Variants in ATRNL1 observed in about 807,000 individuals in gnomAD.
ATRNL1 encodes the protein attractin like 1, also known as attractin-like protein 1.
A neutral mutation model predicts 182.7 loss-of-function variants in ATRNL1; 95 were observed. The observed-to-expected ratio is 0.52, with a 90% CI of 0.44 to 0.62. ATRNL1 has a LOEUF of 0.62. Among genes scored for constraint, ATRNL1 ranks in the 20% least tolerant of loss-of-function variants. The pLI is 0.00. For synonymous variants in ATRNL1, 576 were observed against 568.3 expected, an observed-to-expected ratio of 1.01 and a Z score of -0.19; for missense variants, 1,471 against 1,679.5, an observed-to-expected ratio of 0.88 and a Z score of 2.17.
chr10:115,439,719 A>C (rs1168377434), intron 21 of ATRNL1, among the ~76,000 whole-genome samples: 2 of 151,954 alleles, frequency 1.3e-5, no homozygotes, highest in African/African-American at 4.8e-5. Flanking sequence ...CAGTGTAATA[A>C]CAAGTATTCT....
intron 18 of ATRNL1, among the ~76,000 whole-genome samples, chr10:115,324,173 G>T (rs1854747461): frequency 6.6e-6 from 1 of 151,928 alleles, no homozygotes; most frequent in South Asian, 2.1e-4. Flanking sequence ...TTTATTTTGA[G>T]ATTTAATTTA....
intron 1 of ATRNL1, among the ~76,000 whole-genome samples, chr10:115,108,211 T>C (rs942100746): frequency 6.6e-6 from 1 of 152,232 alleles, no homozygotes; most frequent in Non-Finnish European, 1.5e-5. Context: ...TATATGCAGT[T>C]AAAAGTAGCC....
At chr10:115,857,830 A>G (rs1012488493) in intron 28 of ATRNL1, among the ~76,000 whole-genome samples, 4 of 152,224 alleles carry the variant, frequency 2.6e-5, no homozygotes, top group South Asian at 2.1e-4. Flanking sequence ...ATCAGGATTC[A>G]TGGAAATGAA....
At chr10:115,431,401 TAAAAA>T (rs3981285) in intron 21 of ATRNL1, among the ~76,000 whole-genome samples, 8 of 110,832 alleles carry the variant, frequency 7.2e-5, no homozygotes, top group South Asian at 5.8e-4. Context: ...AGAGTGAAAC[TAAAAA>T]AAAAAAAAAA....
chr10:115,301,927 G>A lies in ATRNL1; in HGVS notation c.2702G>A (p.Ser901Asn). ...AGGACATCATGTTCCAACTGTACAA[G>A]CAATGGCATGGAGTGTATGTGGTGC... ...SLRTSCSNCT[S>N]NGMECMWCSS... The change falls in exon 17 of 29, where the codon AGC becomes AAC. Residue 901 changes from serine (S) to asparagine (N), a missense_variant. Transcript: ENST00000355044. The A allele has an allele frequency of 1.9e-6, 3 of 1,614,018 alleles. No individual in the cohort carries two copies. Among genetic ancestry groups the A allele is most frequent in the Non-Finnish European group, 2.5e-6 (3 of 1,179,900 alleles).
intron 5 of ATRNL1, among the ~76,000 whole-genome samples, chr10:115,138,623 C>T (rs2143796758): frequency 6.6e-6 from 1 of 152,308 alleles, no homozygotes; most frequent in South Asian, 2.1e-4. Context: ...GGCTGGAATA[C>T]AGGGTACCAA....
intron 26 of ATRNL1, among the ~76,000 whole-genome samples, chr10:115,638,321 C>T (rs1345384083): frequency 1.3e-5 from 2 of 152,142 alleles, no homozygotes; most frequent in African/African-American, 2.4e-5. Flanking sequence ...GCCTAATATA[C>T]TCCATGATGT....
chr10:115,651,974 A>G (rs1860040181), intron 26 of ATRNL1, among the ~76,000 whole-genome samples: 2 of 152,122 alleles, frequency 1.3e-5, no homozygotes, highest in Admixed American at 1.3e-4. Flanking sequence ...AAACAACTGT[A>G]GTAACCCTGT....
At chr10:115,687,252 A>G (rs1298880155) in intron 26 of ATRNL1, among the ~76,000 whole-genome samples, 1 of 151,968 alleles carries the variant, frequency 6.6e-6, no homozygotes, top group Non-Finnish European at 1.5e-5. Context: ...GTACACTTTG[A>G]CTCACACTTC....
chr10:115,745,370 A>C (rs1481506558), intron 27 of ATRNL1, among the ~76,000 whole-genome samples: 1 of 152,100 alleles, frequency 6.6e-6, no homozygotes, highest in Non-Finnish European at 1.5e-5. Flanking sequence ...TTATCCAGTC[A>C]CCAGATAGTA....
At chr10:115,709,679 A>G (rs1555053978) in intron 26 of ATRNL1, among the ~76,000 whole-genome samples, 2 of 152,120 alleles carry the variant, frequency 1.3e-5, no homozygotes, top group South Asian at 4.1e-4. Context: ...AAGAAGAAGG[A>G]TAAAAGGGTA....
At chr10:115,846,455 T>C (rs1220334453) in intron 27 of ATRNL1, among the ~76,000 whole-genome samples, 1 of 152,116 alleles carries the variant, frequency 6.6e-6, no homozygotes, top group Non-Finnish European at 1.5e-5. Flanking sequence ...TGTCTGTATT[T>C]CTTCTTAAAA....
chr10:115,113,444 CTG>C (rs1844343616), intron 1 of ATRNL1, among the ~76,000 whole-genome samples: 1 of 152,148 alleles, frequency 6.6e-6, no homozygotes. Context: ...TATGGTTTGG[CTG>C]TGTCCCCACC....
chr10:115,848,828 C>T (rs568213706), intron 28 of ATRNL1, among the ~76,000 whole-genome samples: 1 of 152,230 alleles, frequency 6.6e-6, no homozygotes, highest in Non-Finnish European at 1.5e-5. Context: ...TTTTTGAGGG[C>T]AAGGGTGATT....
chr10:115,917,577 G>A (rs1471629116), intron 28 of ATRNL1, among the ~76,000 whole-genome samples: 1 of 151,974 alleles, frequency 6.6e-6, no homozygotes, highest in East Asian at 1.9e-4. Context: ...TCACTATGTA[G>A]TGGTTTTTGG....
chr10:115,733,263 G>A (rs1947852346), intron 27 of ATRNL1, among the ~76,000 whole-genome samples: 1 of 151,958 alleles, frequency 6.6e-6, no homozygotes, highest in Admixed American at 6.6e-5. Context: ...CTTTATACCA[G>A]AATTTTCATT....
At position 115,331,627 on chromosome 10, in the gene ATRNL1, C is replaced by T. The variant is rs150783701; in HGVS notation, c.3038-2655C>T. On this transcript the variant is annotated intron_variant, in intron 18 of 28. Coordinates refer to ENST00000355044, the MANE Select transcript of ATRNL1 (RefSeq NM_207303.4). Reference sequence around the variant, plus strand: ...CATCTTTTCCAAGCTAATCTTATATCTTCTTTACATGTGTCTCTGTATGTT... The same window carrying T: ...CATCTTTTCCAAGCTAATCTTATATTTTCTTTACATGTGTCTCTGTATGTT... Among the ~76,000 whole-genome samples the T allele has an allele frequency of 6.9e-3, 1,043 of 151,974 alleles. 13 individuals are homozygous for T. The highest frequency in any genetic ancestry group is 0.024 in the African/African-American group (997 of 41,454).
At chr10:115,477,106 A>G (rs1227246384) in intron 24 of ATRNL1, among the ~76,000 whole-genome samples, 2 of 151,558 alleles carry the variant, frequency 1.3e-5, no homozygotes, top group East Asian at 3.9e-4. Context: ...TAGATAGTTT[A>G]TGAGTACAAT....
intron 8 of ATRNL1, among the ~76,000 whole-genome samples, chr10:115,211,491 A>G (rs1849021380): frequency 6.6e-6 from 1 of 151,822 alleles, no homozygotes; most frequent in African/African-American, 2.4e-5. Flanking sequence ...AGTTTTTAGA[A>G]GTTTAATTAT....
Sources: gnomAD v4.1 joint callset for allele counts (sites outside exome capture counted in the v4.1 genomes callset) on GRCh38, gnomAD v4.1.1 for gene constraint, MANE v1.5 for transcripts, NCBI Gene and HGNC (gene_info 2026-07-23, HGNC 2026-07-21) for gene names.